NTRK3: variants seen among roughly 807,000 people sequenced by gnomAD.
The protein encoded by NTRK3 is NT-3 growth factor receptor.
A neutral mutation model predicts 91.7 loss-of-function variants in NTRK3; 24 were observed. The ratio of observed to expected loss-of-function variants is 0.26; its 90% CI spans 0.19 to 0.37. The LOEUF (loss-of-function observed/expected upper bound fraction) is 0.37. Ranked by LOEUF, NTRK3 falls within the 10% of genes least tolerant of loss-of-function variation. The pLI is 1.00. For synonymous variants in NTRK3, 483 were observed against 404.0 expected (o/e 1.20, Z -2.34); for missense variants, 880 against 1,068.9 (o/e 0.82, Z 2.46).
In NTRK3 at chr15:88,255,873, G is replaced by A; in HGVS notation, c.248+33C>T. 3.2e-6 allele frequency: 5 copies of A among 1,585,570 alleles called. No individual in the cohort carries two copies. The highest frequency in any genetic ancestry group is 4.3e-6 in the Non-Finnish European group (5 of 1,161,666). The stretch of plus-strand genomic sequence containing the variant: ...GCAGGAGGGAGACGCAGAGCGCGGG[G>A]GAGGCAGGCTGGGGAGCGGCCGCCT... On this transcript the variant is annotated intron_variant, in intron 3 of 18. Transcript: ENST00000394480. The surrounding 1 kb of genome is among the most constrained non-coding windows in gnomAD (Gnocchi z 4.3).
chr15:88,054,452 G>A (rs772636709), intron 13 of NTRK3, among the ~76,000 whole-genome samples: 4 of 152,124 alleles, frequency 2.6e-5, no homozygotes, highest in Non-Finnish European at 5.9e-5. Context: ...AAGCTCTTGG[G>A]TGCCCTACCA....
At chr15:87,878,795 G>C (rs1412852006) in intron 18 of NTRK3, among the ~76,000 whole-genome samples, 3 of 152,162 alleles carry the variant, frequency 2.0e-5, no homozygotes, top group Non-Finnish European at 4.4e-5. Context: ...CTATGAGCCA[G>C]CTCAAGAACA....
intron 5 of NTRK3, among the ~76,000 whole-genome samples, chr15:88,180,208 A>G (rs1314711088): frequency 6.6e-6 from 1 of 152,262 alleles, no homozygotes; most frequent in Non-Finnish European, 1.5e-5. Flanking sequence ...TCAGATTGGC[A>G]TACAGCTATT....
intron 3 of NTRK3, among the ~76,000 whole-genome samples, chr15:88,238,062 G>GCA (rs1001028677): frequency 9.9e-5 from 15 of 151,958 alleles, no homozygotes; most frequent in Admixed American, 2.0e-4. Context: ...TAGGACACAG[G>GCA]CACACACACA....
In NTRK3 at chr15:88,173,715, C is replaced by T. The variant is rs115178461; in HGVS notation, c.395+9703G>A. ...CATTTTGAGGAGTGCTGCTCTGAAG[C>T]CTACTGCCTCCCTCTCTTCTCCAGC... is the stretch of plus-strand genomic sequence containing the variant. On this transcript the variant is annotated intron_variant, in intron 5 of 18. Transcript: ENST00000394480. Among the ~76,000 whole-genome samples the T allele has an allele frequency of 9.3e-3, 1,415 of 152,344 alleles. 29 individuals carry two copies. Among genetic ancestry groups the T allele is most frequent in the African/African-American group, 0.032 (1,328 of 41,582 alleles).
At chr15:88,058,143 C>G (rs1393870692) in intron 13 of NTRK3, among the ~76,000 whole-genome samples, 1 of 152,160 alleles carries the variant, frequency 6.6e-6, no homozygotes, top group Non-Finnish European at 1.5e-5. Flanking sequence ...GGGCCTTGGA[C>G]TTTGACAGGG....
At chr15:88,117,879 G>T (rs939526177) in intron 13 of NTRK3, among the ~76,000 whole-genome samples, 1 of 152,186 alleles carries the variant, frequency 6.6e-6, no homozygotes, top group Non-Finnish European at 1.5e-5. Flanking sequence ...CCAGCCTCAG[G>T]CTTCTGCTTC....
At chr15:88,070,106 A>T (rs992642934) in intron 13 of NTRK3, among the ~76,000 whole-genome samples, 7 of 152,168 alleles carry the variant, frequency 4.6e-5, no homozygotes, top group Admixed American at 2.0e-4. Context: ...AGGGTTATCA[A>T]TAGAGAAATA....
chr15:88,105,711 A>C (rs553771852), intron 13 of NTRK3, among the ~76,000 whole-genome samples: 69 of 150,734 alleles, frequency 4.6e-4, no homozygotes, highest in South Asian at 1.2e-3. Context: ...ACACACACAC[A>C]CCCCCACACC....
chr15:88,166,693 G>A (rs2044992911), intron 5 of NTRK3, among the ~76,000 whole-genome samples: 1 of 152,180 alleles, frequency 6.6e-6, no homozygotes, highest in South Asian at 2.1e-4. Context: ...CCTCAGAGAG[G>A]TGACCTGGTC....
intron 13 of NTRK3, among the ~76,000 whole-genome samples, chr15:88,125,904 C>T (rs1028293556): frequency 1.3e-5 from 2 of 152,174 alleles, no homozygotes; most frequent in African/African-American, 2.4e-5. Flanking sequence ...AGAGGAAAAC[C>T]GTGTCCTCAA....
At chr15:88,193,118 G>T (rs867198884) in intron 3 of NTRK3, among the ~76,000 whole-genome samples, 2 of 152,090 alleles carry the variant, frequency 1.3e-5, no homozygotes, top group African/African-American at 4.8e-5. Flanking sequence ...CATCCAGGGC[G>T]GTACTATGTA....
intron 17 of NTRK3, among the ~76,000 whole-genome samples, chr15:87,904,317 A>AT (rs555981141): frequency 1.0e-4 from 15 of 148,514 alleles, no homozygotes; most frequent in African/African-American, 3.0e-4. Flanking sequence ...CGCCCGGCTA[A>AT]TTTTTTTTTT....
intron 14 of NTRK3, among the ~76,000 whole-genome samples, chr15:87,962,446 G>A (rs1360309973): frequency 6.6e-6 from 1 of 152,216 alleles, no homozygotes; most frequent in Non-Finnish European, 1.5e-5. Context: ...TGAAGCCACA[G>A]CATGGGCTTT....
At position 87,981,093 on chromosome 15, in the gene NTRK3, C is replaced by T. The variant is rs189363949; in HGVS notation, c.1586-40340G>A. 11 of 1,385,586 alleles carry T rather than the reference C, an allele frequency of 7.9e-6. No individual in the cohort carries two copies. In the East Asian group the frequency reaches 2.0e-4, roughly 25 times the overall value. The allele number at this position is 1,385,586 out of a possible 1,614,324, so 85.8% of individuals were successfully genotyped here. A position where few individuals can be genotyped will look rare whatever the true frequency, so the allele number is the denominator to read the frequency against. ...AAGGGATTTTTTTAGTACCAAATCC[C>T]GTGCTGGGCACCTAGTCGTACCTCA... On this transcript the variant is annotated intron_variant, in intron 14 of 18. Transcript: ENST00000394480.
At chr15:87,991,119 T>A (rs1341321756) in intron 14 of NTRK3, among the ~76,000 whole-genome samples, 1 of 152,176 alleles carries the variant, frequency 6.6e-6, no homozygotes, top group Non-Finnish European at 1.5e-5. Context: ...ACACCCCCCA[T>A]GACACCTAGA....
intron 14 of NTRK3, among the ~76,000 whole-genome samples, chr15:88,017,073 C>G (rs2077285562): frequency 6.6e-6 from 1 of 150,700 alleles, no homozygotes; most frequent in Non-Finnish European, 1.5e-5. Flanking sequence ...TTGTTTCTTT[C>G]TGATCTACCT....
At chr15:88,141,282 T>A (rs1358078318) in intron 6 of NTRK3, among the ~76,000 whole-genome samples, 1 of 152,150 alleles carries the variant, frequency 6.6e-6, no homozygotes, top group Non-Finnish European at 1.5e-5. Flanking sequence ...CATTATAGGA[T>A]CATAATATTA....
At position 87,876,429 on chromosome 15, in the gene NTRK3, G is replaced by A. The variant is rs1462816589; in HGVS notation, c.*506C>T. The A allele has an allele frequency of 1.3e-5, 3 of 228,470 alleles. No homozygotes were observed. The East Asian group carries it at 1.9e-4, about 14-fold the overall frequency. 14.2% of individuals were successfully genotyped at this position (228,470 alleles called of 1,614,324 possible). ...CATGTGCCTGTGGTGAGCTTCCGGGGTAACAGACACACACAGCAGCGACTG... is the reference window on the plus strand; with the variant it reads ...CATGTGCCTGTGGTGAGCTTCCGGGATAACAGACACACACAGCAGCGACTG... On this transcript the variant is annotated 3_prime_UTR_variant, in exon 19 of 19. Coordinates refer to ENST00000394480, the Ensembl canonical transcript of NTRK3.
Sources: allele counts gnomAD v4.1 joint callset (sites outside exome capture counted in the v4.1 genomes callset), GRCh38; gene constraint gnomAD v4.1.1; non-coding constraint Gnocchi (gnomAD v3.1); transcripts MANE v1.5; gene names NCBI Gene and HGNC (gene_info 2026-07-23, HGNC 2026-07-21).